The following CREBZF variants were observed in gnomAD, a reference collection of about 807,000 sequenced individuals.
CREBZF encodes the protein CREB/ATF bZIP transcription factor, also known as HCF-binding transcription factor Zhangfei.
In CREBZF, 8 loss-of-function variants were observed where a neutral mutation model predicts 21.1. The ratio of observed to expected loss-of-function variants is 0.38; its 90% CI spans 0.22 to 0.68. The LOEUF (loss-of-function observed/expected upper bound fraction) is 0.68, where lower values mean the gene tolerates loss of function less well. Among genes scored for constraint, CREBZF ranks in the 30% least tolerant of loss-of-function variants. CREBZF has a pLI of 0.51. For synonymous variants in CREBZF, 270 were observed against 223.3 expected, an observed-to-expected ratio of 1.21 and a Z score of -1.86; for missense variants, 518 against 484.3, an observed-to-expected ratio of 1.07 and a Z score of -0.65.
Position 85,661,494 on chromosome 11 carries a change from T to A in CREBZF, c.*2317A>T, listed in dbSNP as rs927219047. 10 of 152,672 alleles carry A rather than the reference T, an allele frequency of 6.5e-5. No individual in the cohort carries two copies. The highest frequency in any genetic ancestry group is 3.4e-3 in the Middle Eastern group (1 of 294). The allele number at this position is 152,672 out of a possible 1,614,324, so 9.5% of individuals were successfully genotyped here. On this transcript the variant is annotated 3_prime_UTR_variant, in exon 1 of 1. Coordinates refer to ENST00000527447, the MANE Select transcript of CREBZF (RefSeq NM_001039618.4). ...AAATGACATTCTAAAAATCTACACT[T>A]GGAATTTCAAAGTATCTCAATTCAG...
chr11:85,670,445 A>G (rs2082904515), intron 1 of CREBZF, among the ~76,000 whole-genome samples: 1 of 151,336 alleles, frequency 6.6e-6, no homozygotes, highest in Admixed American at 6.6e-5. Flanking sequence ...CTGGGACTAC[A>G]GGCGCCTACC....
At position 85,665,034 on chromosome 11, in the gene CREBZF, CCCCGCGCCAAGGCGCGGG is replaced by C. The variant is rs1439870005; in HGVS notation, c.-177_-160del. The stretch of plus-strand genomic sequence containing the variant: ...TCCCGCCTCACTTGGCTAGTCGACC[CCCCGCGCCAAGGCGCGGG>C]GAGGGACGGGAGAACGAAGCGGTGA... On this transcript the variant is annotated 5_prime_UTR_variant, in exon 1 of 1. Coordinates refer to ENST00000527447, the MANE Select transcript of CREBZF (RefSeq NM_001039618.4). 1.0e-5 allele frequency: 5 copies of C among 483,190 alleles called. No individual in the cohort carries two copies. The highest frequency in any genetic ancestry group is 1.4e-5 in the Non-Finnish European group (4 of 288,354). The allele number at this position is 483,190 out of a possible 1,614,324, so 29.9% of individuals were successfully genotyped here.
rs199905985 is a variant in CREBZF at position 85,664,673 on chromosome 11, C to G, written c.203G>C (p.Gly68Ala). ...GCGCACGGCCACGCCGCCGCGGCTC[C>G]CCCTCCCGGCTTCCAACTCTCCTTC... is the stretch of plus-strand genomic sequence containing the variant. ...GDEGELEAGR[G>A]SRGGVAVRAP... The change falls in exon 1 of 1, where the codon GGG becomes GCG. Residue 68 changes from glycine (G) to alanine (A), a missense_variant. By Grantham distance (60) the Gly-to-Ala change is moderately conservative (BLOSUM62 0). Coordinates refer to ENST00000527447, the MANE Select transcript of CREBZF (RefSeq NM_001039618.4). The surrounding 1 kb of genome is among the most constrained non-coding windows in gnomAD (Gnocchi z 5.5). The G allele has an allele frequency of 5.9e-4, 951 of 1,602,920 alleles. 4 individuals are homozygous for G. The African/African-American group carries it at 0.012, about 19-fold the overall frequency.
chr11:85,664,794 T>C lies in CREBZF; in HGVS notation c.82A>G (p.Thr28Ala), dbSNP rs535579168. The C allele has an allele frequency of 5.1e-6, 8 of 1,576,924 alleles. No individual in the cohort carries two copies. In the South Asian group the frequency reaches 6.9e-5, roughly 14 times the overall value. Residue 28 changes from threonine to alanine, a missense_variant, in exon 1 of 1, where the codon ACT becomes GCT. Physicochemically the swap from Thr to Ala is moderately conservative, Grantham distance 58. Transcript: ENST00000527447. This position sits in a 1 kb window ranked among gnomAD's most constrained non-coding sequence, Gnocchi z 5.5. ...GTCAGGTCAGAGGGCAGCGAACAAGTTGCAGCCGGCTCCGGGCTCTCACTG... is the reference window on the plus strand; with the variant it reads ...GTCAGGTCAGAGGGCAGCGAACAAGCTGCAGCCGGCTCCGGGCTCTCACTG... Reference protein sequence around the residue: ...TRSESPEPAATCSLPSDLTRA... With the variant: ...TRSESPEPAAACSLPSDLTRA...
upstream of CREBZF, among the ~76,000 whole-genome samples, chr11:85,666,092 C>T (rs2082857824): frequency 6.6e-6 from 1 of 152,176 alleles, no homozygotes; most frequent in Non-Finnish European, 1.5e-5. Context: ...CCTTCGTCTT[C>T]CTGAATACAC....
At position 85,658,234 on chromosome 11, in the gene CREBZF, ATAAC is replaced by A. The variant is rs2082572620; in HGVS notation, c.*5573_*5576del. On this transcript the variant is annotated 3_prime_UTR_variant, in exon 1 of 1. Transcript: ENST00000527447. Reference sequence around the variant, plus strand: ...CTTAGATAATTCAAAGCCCAATGATATAACTAAGTTCTTTGACGATTGAGCACAC... The same window carrying A: ...CTTAGATAATTCAAAGCCCAATGATATAAGTTCTTTGACGATTGAGCACAC... Among the ~76,000 whole-genome samples the A allele has an allele frequency of 1.3e-5, 2 of 152,014 alleles. No individual in the cohort carries two copies. Among genetic ancestry groups the A allele is most frequent in the Non-Finnish European group, 2.9e-5 (2 of 67,862 alleles).
intron 1 of CREBZF, among the ~76,000 whole-genome samples, chr11:85,672,958 A>G (rs987187242): frequency 1.2e-4 from 18 of 152,194 alleles, no homozygotes; most frequent in Non-Finnish European, 2.1e-4. Flanking sequence ...GAAAAATCCA[A>G]TGTCTCCACA....
At chr11:85,682,754 C>G (rs983396509) in exon 1 of CREBZF, 1 of 700,132 alleles carries the variant, frequency 1.4e-6, no homozygotes, top group African/African-American at 1.7e-5. Context: ...ACCGTCCGGC[C>G]TCTGCCCATG....
chr11:85,663,927 G>C lies in CREBZF; in HGVS notation c.949C>G (p.Leu317Val). ...CCCGCCGAGTCGTCCTCTTCCAGCAGGTCCTGCTTCTGCTTTCCCACCGGC... is the reference window on the plus strand; with the variant it reads ...CCCGCCGAGTCGTCCTCTTCCAGCACGTCCTGCTTCTGCTTTCCCACCGGC... ...ALPVGKQKQD[L>V]LEEDDSAGGV... The change falls in exon 1 of 1, where the codon CTG becomes GTG. Residue 317 changes from leucine to valine, a missense_variant. Leu to Val is a conservative substitution (Grantham distance 32, BLOSUM62 1). Transcript: ENST00000527447. The C allele has an allele frequency of 1.9e-6, 3 of 1,613,818 alleles. No homozygotes were observed. Among genetic ancestry groups the C allele is most frequent in the Non-Finnish European group, 2.5e-6 (3 of 1,180,026 alleles).
At chr11:85,672,518 G>A (rs966164161) in intron 1 of CREBZF, among the ~76,000 whole-genome samples, 7 of 152,184 alleles carry the variant, frequency 4.6e-5, no homozygotes, top group African/African-American at 1.7e-4. Flanking sequence ...ATTCTTTGCT[G>A]CTTAGAAATT....
Position 85,682,707 on chromosome 11 carries a change from G to C in CREBZF, n.147+10C>G. 2.9e-6 allele frequency: 2 copies of C among 680,480 alleles called. 1 individual carries two copies. The highest frequency in any genetic ancestry group is 3.1e-5 in the South Asian group (2 of 64,284). The allele number at this position is 680,480 out of a possible 1,614,324, so 42.2% of individuals were successfully genotyped here. A position where few individuals can be genotyped will look rare whatever the true frequency, so the allele number is the denominator to read the frequency against. On this transcript the variant is annotated intron_variant and non_coding_transcript_variant, in intron 1 of 3. Transcript: ENST00000531515. ...CCACACTCCAGTACCCGGAATTCCG[G>C]GATTCATACCCAAACGGCCCTCAGC...
rs2082631536 is a variant in CREBZF at position 85,660,069 on chromosome 11, T to C, written c.*3742A>G. ...GACTACTCTTTATAGTTCAGAACTT[T>C]ACATTAACTTTTATATTCTACTCAG... On this transcript the variant is annotated 3_prime_UTR_variant, in exon 1 of 1. Coordinates refer to ENST00000527447, the MANE Select transcript of CREBZF (RefSeq NM_001039618.4). 6.6e-6 allele frequency: 1 copy of C among 152,374 alleles called. No individual in the cohort carries two copies. The allele number at this position is 152,374 out of a possible 1,614,324, so 9.4% of individuals were successfully genotyped here.
Position 85,664,293 on chromosome 11 carries a change from C to T in CREBZF, c.583G>A (p.Gly195Ser), listed in dbSNP as rs201242015. ...RRRKSPGGGG[G>S]GGSGNDNNQA... ...TTGTTGTCGTTACCGCTGCCGCCAC[C>T]GCCGCCTCCTCCTGGGGACTTTCTC... The change falls in exon 1 of 1, where the codon GGT becomes AGT. Residue 195 changes from glycine to serine, a missense_variant. By Grantham distance (56) the Gly-to-Ser change is moderately conservative. This residue lies in a region of CREBZF where 396 missense variants were observed against 324.4 expected (regional missense o/e 1.22). Coordinates refer to ENST00000527447, the MANE Select transcript of CREBZF (RefSeq NM_001039618.4). The surrounding 1 kb of genome is among the most constrained non-coding windows in gnomAD (Gnocchi z 5.5). 5 of 1,612,352 alleles carry T rather than the reference C, an allele frequency of 3.1e-6. No homozygotes were observed. In the African/African-American group the frequency reaches 6.7e-5, roughly 21 times the overall value.
At position 85,664,756 on chromosome 11, in the gene CREBZF, C is replaced by A. The variant is rs535033960; in HGVS notation, c.120G>T (p.Ala40=). The change falls in exon 1 of 1, where the codon GCG becomes GCT. Residue 40 remains alanine (A), a synonymous_variant. Transcript: ENST00000527447. The surrounding 1 kb of genome is among the most constrained non-coding windows in gnomAD (Gnocchi z 5.5). ...SLPSDLTRAA[A]GEEETAAAGS... ...CGGCCGCCGCCGTCTCCTCCTCCCC[C>A]GCTGCAGCCCGGGTCAGGTCAGAGG... is the stretch of plus-strand genomic sequence containing the variant. The A allele has an allele frequency of 1.2e-6, 2 of 1,608,284 alleles. No homozygotes were observed.
At chr11:85,665,669 T>A (rs375736766), upstream of CREBZF, among the ~76,000 whole-genome samples, 2 of 151,914 alleles carry the variant, frequency 1.3e-5, no homozygotes, top group East Asian at 1.9e-4. Context: ...TTAAAAAAAA[T>A]TAAAACCAAA....
chr11:85,673,547 T>A (rs2153329366), intron 1 of CREBZF, among the ~76,000 whole-genome samples: 1 of 152,312 alleles, frequency 6.6e-6, no homozygotes, highest in Admixed American at 6.5e-5. Flanking sequence ...AGTCACAATC[T>A]TTTTGCTGGT....
chr11:85,679,843 G>T (rs1328291273), intron 1 of CREBZF, among the ~76,000 whole-genome samples: 1 of 152,224 alleles, frequency 6.6e-6, no homozygotes, highest in Non-Finnish European at 1.5e-5. Flanking sequence ...TTCTTGGAGA[G>T]GGGAAAATGT....
rs569684806 is a variant in CREBZF, at chr11:85,676,417, A to T, written n.147+6300T>A. On this transcript the variant is annotated intron_variant and non_coding_transcript_variant, in intron 1 of 3. Transcript: ENST00000531515. ...CTTTAGGAACCCCAAAACTTTAAAA[A>T]TTTTAATTTCTTAAATACTGAAAAT... Among the ~76,000 whole-genome samples, 6 of 152,300 alleles carry T rather than the reference A, an allele frequency of 3.9e-5. No homozygotes were observed. The East Asian group carries it at 1.2e-3, about 29-fold the overall frequency.
upstream of CREBZF, among the ~76,000 whole-genome samples, chr11:85,665,680 GC>G (rs1278537232): frequency 6.6e-6 from 1 of 151,724 alleles, no homozygotes; most frequent in African/African-American, 2.4e-5. Context: ...TAAAACCAAA[GC>G]AAAATGAATG....
Sources: allele counts gnomAD v4.1 joint callset (sites outside exome capture counted in the v4.1 genomes callset), GRCh38; gene constraint gnomAD v4.1.1; regional missense constraint gnomAD v4.1.1; non-coding constraint Gnocchi (gnomAD v3.1); transcripts MANE v1.5; gene names NCBI Gene and HGNC (gene_info 2026-07-23, HGNC 2026-07-21).